Variants in CASKIN1 observed in about 807,000 individuals in gnomAD.
The protein encoded by CASKIN1 is CASK interacting protein 1, also known as caskin-1.
CASKIN1 carries 42 observed loss-of-function variants against 117.5 expected under a neutral mutation model. The ratio of observed to expected loss-of-function variants is 0.36; its 90% CI spans 0.28 to 0.46. The LOEUF is 0.46. CASKIN1 is among the 20% of genes least tolerant of loss of function. CASKIN1 has a pLI of 1.00. For missense variants in CASKIN1, 2,083 were observed against 2,077.3 expected, an observed-to-expected ratio of 1.00 and a Z score of -0.05; for synonymous variants, 1,148 against 961.7, an observed-to-expected ratio of 1.19 and a Z score of -3.59.
In CASKIN1 at chr16:2,189,014, C is replaced by T. The variant is rs776582583; in HGVS notation, c.617+13G>A. Reference sequence around the variant, plus strand: ...GACCCTAAGGCTGAGGCCCTCCCTGCTACCGGCTCTACCTGATGATGTCGA... The same window carrying T: ...GACCCTAAGGCTGAGGCCCTCCCTGTTACCGGCTCTACCTGATGATGTCGA... On this transcript the variant is annotated intron_variant, in intron 6 of 19. Coordinates refer to ENST00000343516, the MANE Select transcript of CASKIN1 (RefSeq NM_020764.4). The T allele has an allele frequency of 2.5e-6, 4 of 1,606,262 alleles. No individual in the cohort carries two copies. In the South Asian group the frequency reaches 3.3e-5, roughly 13 times the overall value.
chr16:2,192,950 C>T (rs1004227285), intron 1 of CASKIN1, among the ~76,000 whole-genome samples: 3 of 152,246 alleles, frequency 2.0e-5, no homozygotes, highest in East Asian at 1.9e-4. Context: ...AATGGGTGTG[C>T]GGCCTGTGCT....
chr16:2,187,337 T>C lies in CASKIN1; in HGVS notation c.726+16A>G, dbSNP rs2093187967. Reference sequence around the variant, plus strand: ...TACAGTCCACTGGGCCCAGCGCCCCTGGGCCCCACACTCACATCCAGCAGC... The same window carrying C: ...TACAGTCCACTGGGCCCAGCGCCCCCGGGCCCCACACTCACATCCAGCAGC... On this transcript the variant is annotated intron_variant, in intron 7 of 19. Coordinates refer to ENST00000343516, the MANE Select transcript of CASKIN1 (RefSeq NM_020764.4). 1.9e-6 allele frequency: 3 copies of C among 1,613,282 alleles called. No homozygotes were observed. The highest frequency in any genetic ancestry group is 2.2e-5 in the East Asian group (1 of 44,864).
Position 2,189,455 on chromosome 16 carries a change from G to T in CASKIN1, c.354C>A (p.Pro118=). 1 of 1,612,198 alleles carries T rather than the reference G, an allele frequency of 6.2e-7. No individual in the cohort carries two copies. The highest frequency in any genetic ancestry group is 8.5e-7 in the Non-Finnish European group (1 of 1,179,762). ...VNIPSDEGHI[P]LHLAAQHGHY... ...GACCATGCTGGGCCGCCAGGTGCAGGGGGATGTGGCCCTCATCAGACGGGA... is the reference window on the plus strand; with the variant it reads ...GACCATGCTGGGCCGCCAGGTGCAGTGGGATGTGGCCCTCATCAGACGGGA... Residue 118 remains proline, a synonymous_variant, in exon 4 of 20, where the codon CCC becomes CCA. Transcript: ENST00000343516.
chr16:2,188,918 C>A, intron 6 of CASKIN1, 109 bp downstream of exon 6: 1 of 1,466,390 alleles, frequency 6.8e-7, no homozygotes, highest in South Asian at 1.3e-5. Flanking sequence ...ACCTGGGACC[C>A]TGCCTGCTCC....
rs1293655299 is a variant in CASKIN1 at position 2,180,972 on chromosome 16, G to A, written c.2396C>T (p.Pro799Leu). Residue 799 changes from proline to leucine, a missense_variant, in exon 18 of 20, where the codon CCA (proline) becomes CTA (leucine). By Grantham distance (98) the Pro-to-Leu change is moderately conservative. This residue lies in a region of CASKIN1 where 1,818 missense variants were observed against 1,688.9 expected (regional missense o/e 1.08). Coordinates refer to ENST00000343516, the MANE Select transcript of CASKIN1 (RefSeq NM_020764.4). ...QALGGPHGPA[P>L]ATAKVKPTPQ... is the part of the protein sequence containing the mutation. ...GGTGGGCTTCACCTTGGCCGTAGCT[G>A]GGGCTGGACCATGAGGTCCCCCAAG... 2 of 1,468,056 alleles carry A rather than the reference G, an allele frequency of 1.4e-6. No homozygotes were observed. Among genetic ancestry groups the A allele is most frequent in the Non-Finnish European group, 9.0e-7 (1 of 1,115,040 alleles). 90.9% of individuals were successfully genotyped at this position (1,468,056 alleles called of 1,614,324 possible).
chr16:2,179,891 G>A lies in CASKIN1; in HGVS notation c.3477C>T (p.Ala1159=), dbSNP rs758385653. The part of the protein sequence containing the change: ...KRRPKAKERE[A]GPEPPPPLSV... ...ACAGTGGCGGTGGTGGCTCAGGCCC[G>A]GCCTCCCGCTCCTTGGCCTTGGGCC... The change falls in exon 18 of 20, where the codon GCC becomes GCT. Residue 1159 remains alanine, a synonymous_variant. Transcript: ENST00000343516. This position sits in a 1 kb window ranked among gnomAD's most constrained non-coding sequence, Gnocchi z 5.8. 16 of 1,604,812 alleles carry A rather than the reference G, an allele frequency of 1.0e-5. No individual in the cohort carries two copies. The highest frequency in any genetic ancestry group is 3.4e-5 in the Admixed American group (2 of 59,428).
chr16:2,186,206 C>A (rs981339800), intron 10 of CASKIN1, among the ~76,000 whole-genome samples: 1 of 152,176 alleles, frequency 6.6e-6, no homozygotes, highest in Non-Finnish European at 1.5e-5. Context: ...TGGGCTCAAA[C>A]AATCCTCTAG....
chr16:2,187,547 AC>A (rs1363283647), intron 6 of CASKIN1, 86 bp from the exon 7 acceptor site: 14 of 1,112,168 alleles, frequency 1.3e-5, no homozygotes, highest in Admixed American at 3.9e-5. Flanking sequence ...ATTTCCAGGT[AC>A]CCCAGCAGTC....
chr16:2,182,727 T>C lies in CASKIN1; in HGVS notation c.1630-798A>G, dbSNP rs2093171876. 6.6e-6 allele frequency among the ~76,000 whole-genome samples: 1 copy of C among 152,218 alleles called. No individual in the cohort carries two copies. The highest frequency in any genetic ancestry group is 2.1e-4 in the South Asian group (1 of 4,830). On this transcript the variant is annotated intron_variant, in intron 16 of 19. Transcript: ENST00000343516. The surrounding 1 kb of genome is among the most constrained non-coding windows in gnomAD (Gnocchi z 4.1). ...GTGAGGCCCAGAGAGTCCGCTTCAG[T>C]TGGGCTAGGCCTGGGCCCACCTTCT...
rs757200623 is a variant in CASKIN1 at position 2,180,898 on chromosome 16, G to T, written c.2470C>A (p.Pro824Thr). 59 of 1,445,882 alleles carry T rather than the reference G, an allele frequency of 4.1e-5. No individual in the cohort carries two copies. In the Admixed American group the frequency reaches 7.2e-4, roughly 18 times the overall value. 89.6% of individuals were successfully genotyped at this position (1,445,882 alleles called of 1,614,324 possible). ...AAGCCGCGGTGCGTCGGTGACTGAG[G>T]CAGGGAGCGGGGTGACATGGGGCGC... is the stretch of plus-strand genomic sequence containing the variant. ...TERPMSPRSL[P>T]QSPTHRGFAY... Residue 824 changes from proline to threonine, a missense_variant, in exon 18 of 20, where the codon CCT (proline) becomes ACT (threonine). Physicochemically the swap from Pro to Thr is conservative, Grantham distance 38. This residue lies in a region of CASKIN1 where 1,818 missense variants were observed against 1,688.9 expected (regional missense o/e 1.08). Coordinates refer to ENST00000343516, the MANE Select transcript of CASKIN1 (RefSeq NM_020764.4).
At chr16:2,189,625 G>A in intron 3 of CASKIN1, 61 bp from the exon 4 acceptor site, 1 of 1,519,308 alleles carries the variant, frequency 6.6e-7, no homozygotes, top group Non-Finnish European at 8.8e-7. Context: ...CTGGAGGATA[G>A]GGGGGTGCTG....
Position 2,181,605 on chromosome 16 carries a change from T to A in CASKIN1, c.1769-6A>T. 7.8e-7 allele frequency: 1 copy of A among 1,278,022 alleles called. No homozygotes were observed. The highest frequency in any genetic ancestry group is 1.0e-6 in the Non-Finnish European group (1 of 987,854). The allele number at this position is 1,278,022 out of a possible 1,614,324, so 79.2% of individuals were successfully genotyped here. The stretch of plus-strand genomic sequence containing the variant: ...CATCAGCTTCTTCTGGTGCCCTGAG[T>A]GGGGCGCAGGGGGCAGGTCAGGTGG... On this transcript the variant is annotated splice_polypyrimidine_tract_variant and splice_region_variant and intron_variant, in intron 17 of 19. Transcript: ENST00000343516.
intron 6 of CASKIN1, among the ~76,000 whole-genome samples, chr16:2,188,543 G>A (rs2093191610): frequency 1.3e-5 from 2 of 152,084 alleles, no homozygotes; most frequent in Middle Eastern, 3.4e-3. Flanking sequence ...TAGAGATGGG[G>A]TCTTGACATG....
In CASKIN1 at chr16:2,184,948, T is replaced by TA; in HGVS notation, c.1324+2dup. ...GGCTGCGTGGCAGCACCCTTGCTCTTACCTGCAGAGCCTTCCGGAGGCTTG... is the reference window on the plus strand; with the variant it reads ...GGCTGCGTGGCAGCACCCTTGCTCTTAACCTGCAGAGCCTTCCGGAGGCTTG... On this transcript the variant is annotated splice_region_variant and intron_variant, in intron 13 of 19. Coordinates refer to ENST00000343516, the MANE Select transcript of CASKIN1 (RefSeq NM_020764.4). 6.3e-7 allele frequency: 1 copy of TA among 1,599,338 alleles called. No homozygotes were observed. Among genetic ancestry groups the TA allele is most frequent in the Non-Finnish European group, 8.5e-7 (1 of 1,169,790 alleles).
Position 2,189,419 on chromosome 16 carries a change from C to T in CASKIN1, c.390G>A (p.Val130=). ...HLAAQHGHYD[V]SEMLLQHQSN... ...TGCCCCGCCCCCGCTCGGGCCTCAC[C>T]ACATCATAGTGACCATGCTGGGCCG... The change falls in exon 4 of 20, where the codon GTG becomes GTA. Residue 130 remains valine, a splice_region_variant and synonymous_variant. Coordinates refer to ENST00000343516, the MANE Select transcript of CASKIN1 (RefSeq NM_020764.4). The T allele has an allele frequency of 6.2e-7, 1 of 1,611,360 alleles. No homozygotes were observed. Among genetic ancestry groups the T allele is most frequent in the Non-Finnish European group, 8.5e-7 (1 of 1,179,334 alleles).
In CASKIN1 at chr16:2,178,189, G is replaced by A. The variant is rs1596683276; in HGVS notation, c.*361C>T. 2.2e-6 allele frequency: 1 copy of A among 448,148 alleles called. No individual in the cohort carries two copies. Among genetic ancestry groups the A allele is most frequent in the Non-Finnish European group, 4.2e-6 (1 of 237,474 alleles). 27.8% of individuals were successfully genotyped at this position (448,148 alleles called of 1,614,324 possible). A position where few individuals can be genotyped will look rare whatever the true frequency, so the allele number is the denominator to read the frequency against. On this transcript the variant is annotated 3_prime_UTR_variant, in exon 20 of 20. Coordinates refer to ENST00000343516, the MANE Select transcript of CASKIN1 (RefSeq NM_020764.4). ...ACCTTGGTCCCCTGTCCCTTGTGCT[G>A]CGCCCGAGCGGCTGGCCGGGCGTCC...
At chr16:2,184,092 C>T (rs551572356) in intron 14 of CASKIN1, 151 bp from the exon 15 acceptor site, 21 of 574,948 alleles carry the variant, frequency 3.7e-5, no homozygotes, top group East Asian at 1.2e-4. Flanking sequence ...GAGCCTGGCC[C>T]GTGAGTGATC....
chr16:2,188,830 C>T (rs1013959633), intron 6 of CASKIN1, 197 bp downstream of exon 6: 29 of 719,748 alleles, frequency 4.0e-5, no homozygotes, highest in African/African-American at 1.1e-4. Context: ...ACAGAGACGT[C>T]GCAGAAGCCC....
rs2093157675 is a variant in CASKIN1 at position 2,179,290 on chromosome 16, A to T, written c.3811T>A (p.Ser1271Thr). ...GTGGGCGGCGGCGGCGGCTTGGGAGACACGGGCGGTGGCGTGCCGTGGGCG... is the reference window on the plus strand; with the variant it reads ...GTGGGCGGCGGCGGCGGCTTGGGAGTCACGGGCGGTGGCGTGCCGTGGGCG... ...KRAHGTPPPV[S>T]PKPPPPPTAP... is the part of the protein sequence containing the mutation. Residue 1271 changes from serine (S) to threonine (T), a missense_variant, in exon 19 of 20, where the codon TCT becomes ACT. By Grantham distance (58) the Ser-to-Thr change is moderately conservative. Coordinates refer to ENST00000343516, the MANE Select transcript of CASKIN1 (RefSeq NM_020764.4). The surrounding 1 kb of genome is among the most constrained non-coding windows in gnomAD (Gnocchi z 5.8). 8.2e-7 allele frequency: 1 copy of T among 1,222,392 alleles called. No individual in the cohort carries two copies. Among genetic ancestry groups the T allele is most frequent in the Non-Finnish European group, 1.0e-6 (1 of 982,756 alleles). 75.7% of individuals were successfully genotyped at this position (1,222,392 alleles called of 1,614,324 possible). A position where few individuals can be genotyped will look rare whatever the true frequency, so the allele number is the denominator to read the frequency against.
Sources: allele counts gnomAD v4.1 joint callset (sites outside exome capture counted in the v4.1 genomes callset), GRCh38; gene constraint gnomAD v4.1.1; regional missense constraint gnomAD v4.1.1; non-coding constraint Gnocchi (gnomAD v3.1); transcripts MANE v1.5; gene names NCBI Gene and HGNC (gene_info 2026-07-23, HGNC 2026-07-21).